The following NOL4 variants were observed in gnomAD, a reference collection of about 807,000 sequenced individuals.
NOL4 encodes nucleolar protein 4, also known as cancer/testis antigen 125.
Under a neutral mutation model 75.9 loss-of-function variants are expected in NOL4, and 17 were observed. The observed-to-expected ratio is 0.22, with a 90% confidence interval of 0.15 to 0.34. The LOEUF is 0.34. Ranked by LOEUF, NOL4 falls within the 10% of genes least tolerant of loss-of-function variation. The pLI is 1.00. For missense variants in NOL4, 614 were observed against 793.5 expected, an observed-to-expected ratio of 0.77 and a Z score of 2.72; for synonymous variants, 292 against 289.9, an observed-to-expected ratio of 1.01 and a Z score of -0.07.
At chr18:34,119,435 A>G (rs1167733283) in intron 2 of NOL4, among the ~76,000 whole-genome samples, 4 of 152,074 alleles carry the variant, frequency 2.6e-5, no homozygotes, top group African/African-American at 9.7e-5. Context: ...TTGTTTTGCC[A>G]TGACTCAGGC....
chr18:33,927,818 G>A (rs2067435469), intron 9 of NOL4, among the ~76,000 whole-genome samples: 1 of 152,032 alleles, frequency 6.6e-6, no homozygotes, highest in Non-Finnish European at 1.5e-5. Context: ...AAATAACTGA[G>A]GTAACAAGTA....
intron 1 of NOL4, among the ~76,000 whole-genome samples, chr18:34,157,347 C>T (rs1363342057): frequency 6.6e-6 from 1 of 152,056 alleles, no homozygotes; most frequent in African/African-American, 2.4e-5. Context: ...TGCTTCTGAT[C>T]TTGTGTAAGT....
At chr18:33,950,959 T>C (rs532317637) in intron 8 of NOL4, among the ~76,000 whole-genome samples, 2 of 152,174 alleles carry the variant, frequency 1.3e-5, no homozygotes, top group African/African-American at 4.8e-5. Flanking sequence ...CAAGTGCTTT[T>C]GGTTTTCATT....
At chr18:33,959,240 T>C (rs1338507093) in intron 6 of NOL4, among the ~76,000 whole-genome samples, 1 of 152,120 alleles carries the variant, frequency 6.6e-6, no homozygotes, top group Non-Finnish European at 1.5e-5. Context: ...AGCTGATAGA[T>C]AGCCTTCGTA....
intron 8 of NOL4, among the ~76,000 whole-genome samples, chr18:33,956,123 TA>T (rs1295570945): frequency 3.9e-5 from 6 of 152,152 alleles, no homozygotes; most frequent in Admixed American, 2.0e-4. Flanking sequence ...TGGACTTTTC[TA>T]TTACTATGAA....
chr18:34,039,165 C>T (rs1340224266), intron 5 of NOL4, among the ~76,000 whole-genome samples: 16 of 152,028 alleles, frequency 1.1e-4, no homozygotes. Flanking sequence ...TTTCCCTCGT[C>T]TTATTGTCAC....
At chr18:34,039,100 T>C (rs1417315307) in intron 5 of NOL4, among the ~76,000 whole-genome samples, 1 of 152,032 alleles carries the variant, frequency 6.6e-6, no homozygotes, top group Non-Finnish European at 1.5e-5. Flanking sequence ...ATCTCAGCTA[T>C]ATATTATAGT....
Position 33,958,394 on chromosome 18 carries a change from A to G in NOL4, c.1081T>C (p.Tyr361His). The G allele has an allele frequency of 6.2e-7, 1 of 1,613,414 alleles. No individual in the cohort carries two copies. ...ACACTCTCATTTTTGCCAGAGTCAT[A>G]GCTGGAGTAACTATGTGCAGGAGAC... Reference protein sequence around the residue: ...SKSPAHSYSSYDSGKNESVDR... With the variant: ...SKSPAHSYSSHDSGKNESVDR... Residue 361 changes from tyrosine to histidine, a missense_variant, in exon 7 of 11, where the codon TAT (tyrosine) becomes CAT (histidine). Tyr to His is a moderately conservative substitution (Grantham distance 83, BLOSUM62 2). Around this residue, in one of 9 missense-constraint regions of NOL4, gnomAD observed 196 missense variants for 167.9 expected, o/e 1.17. Transcript: ENST00000261592.
chr18:33,864,354 G>A (rs2063328027), intron 10 of NOL4, among the ~76,000 whole-genome samples: 1 of 152,066 alleles, frequency 6.6e-6, no homozygotes, highest in Non-Finnish European at 1.5e-5. Flanking sequence ...GTTTCTGTTT[G>A]AAACATAAGT....
At chr18:33,934,805 T>C (rs1004897412) in intron 9 of NOL4, among the ~76,000 whole-genome samples, 13 of 151,630 alleles carry the variant, frequency 8.6e-5, no homozygotes, top group Non-Finnish European at 1.8e-4. Flanking sequence ...ACTTTCTCCA[T>C]AACAGTAATA....
At chr18:34,039,740 T>A (rs1278681564) in intron 5 of NOL4, among the ~76,000 whole-genome samples, 1 of 151,952 alleles carries the variant, frequency 6.6e-6, no homozygotes, top group African/African-American at 2.4e-5. Context: ...AAAATCATGA[T>A]ATAAAGGAAA....
At chr18:33,958,881 A>G (rs2145745967) in intron 6 of NOL4, among the ~76,000 whole-genome samples, 1 of 152,300 alleles carries the variant, frequency 6.6e-6, no homozygotes, top group African/African-American at 2.4e-5. Context: ...TGCTAACTTT[A>G]TTAGTATTCT....
At chr18:34,146,989 G>T (rs192369579) in intron 1 of NOL4, among the ~76,000 whole-genome samples, 10 of 152,094 alleles carry the variant, frequency 6.6e-5, no homozygotes, top group African/African-American at 2.4e-4. Context: ...CAATTGTGAT[G>T]GGAGTTCACT....
chr18:34,138,842 A>C (rs1274446602), intron 1 of NOL4, among the ~76,000 whole-genome samples: 2 of 152,278 alleles, frequency 1.3e-5, no homozygotes, highest in East Asian at 3.9e-4. Flanking sequence ...TTATTTTGAG[A>C]TATGTCCCAT....
intron 2 of NOL4, among the ~76,000 whole-genome samples, chr18:34,127,590 T>C (rs2080445033): frequency 6.6e-6 from 1 of 151,892 alleles, no homozygotes; most frequent in Non-Finnish European, 1.5e-5. Context: ...GGCCCAACAG[T>C]CTATGGCCTT....
intron 6 of NOL4, among the ~76,000 whole-genome samples, chr18:33,968,915 G>T (rs1272082447): frequency 6.6e-6 from 1 of 152,154 alleles, no homozygotes; most frequent in Non-Finnish European, 1.5e-5. Flanking sequence ...TCTATTGAAA[G>T]AATAGAAAAA....
intron 9 of NOL4, among the ~76,000 whole-genome samples, chr18:33,920,269 C>T (rs933129470): frequency 5.3e-5 from 8 of 151,472 alleles, no homozygotes; most frequent in African/African-American, 1.9e-4. Context: ...CTTAAAAATA[C>T]AAAAAAAATG....
chr18:34,052,593 A>G (rs1342682819), intron 5 of NOL4, among the ~76,000 whole-genome samples: 1 of 152,086 alleles, frequency 6.6e-6, no homozygotes, highest in Non-Finnish European at 1.5e-5. Flanking sequence ...TTATTAAACA[A>G]TCATTTATTC....
rs946386163 is a variant in NOL4 at position 33,919,239 on chromosome 18, A to G, written c.1542+23826T>C. 1.5e-4 allele frequency among the ~76,000 whole-genome samples: 23 copies of G among 152,154 alleles called. 1 individual carries two copies. The highest frequency in any genetic ancestry group is 5.6e-4 in the African/African-American group (23 of 41,430). On this transcript the variant is annotated intron_variant, in intron 9 of 10. Transcript: ENST00000261592. ...CTCTTAAGTTGATCTAAAAGCATCC[A>G]CAGCATTTTTTACACATCTGAGCTT... is the stretch of plus-strand genomic sequence containing the variant.
Sources: allele counts gnomAD v4.1 joint callset (sites outside exome capture counted in the v4.1 genomes callset), GRCh38; gene constraint gnomAD v4.1.1; regional missense constraint gnomAD v4.1.1; transcripts MANE v1.5; gene names NCBI Gene and HGNC (gene_info 2026-07-23, HGNC 2026-07-21).